Variants in STS observed in about 807,000 individuals in gnomAD.
STS encodes the protein steroid sulfatase.
Under a neutral mutation model 26.8 loss-of-function variants are expected in STS, and 7 were observed. That is an observed-to-expected ratio of 0.26 (90% CI 0.15 to 0.49). The LOEUF (loss-of-function observed/expected upper bound fraction) is 0.49, where lower values mean the gene tolerates loss of function less well. Among genes scored for constraint, STS ranks in the 20% least tolerant of loss-of-function variants. STS has a pLI of 0.98. For missense variants in STS, 434 were observed against 465.6 expected (o/e 0.93, Z 0.63); for synonymous variants, 199 against 189.4 (o/e 1.05, Z -0.42).
chrX:7,199,234 C>T (rs921290651), intron 2 of STS, among the ~76,000 whole-genome samples: 1 of 111,462 alleles, frequency 9.0e-6, no homozygotes, highest in Non-Finnish European at 1.9e-5. Context: ...ATCTATACTA[C>T]AACTTCTCAT....
intron 7 of STS, among the ~76,000 whole-genome samples, chrX:7,294,383 G>A (rs774576386): frequency 1.5e-4 from 17 of 110,552 alleles, no homozygotes; most frequent in African/African-American, 4.3e-4. Context: ...TCATGACCAC[G>A]CTAAAATGGT....
intron 2 of STS, among the ~76,000 whole-genome samples, chrX:7,204,941 T>C (rs981241731): frequency 1.3e-4 from 14 of 109,746 alleles, no homozygotes; most frequent in Non-Finnish European, 2.5e-4. Flanking sequence ...ACTTATGATA[T>C]CCTTCTCCAC....
intron 2 of STS, among the ~76,000 whole-genome samples, chrX:7,205,723 G>A (rs183891233): frequency 2.9e-5 from 3 of 102,613 alleles, no homozygotes; most frequent in African/African-American, 7.3e-5. Context: ...TGCGATCATA[G>A]CAATCTCTTC....
intron 2 of STS, among the ~76,000 whole-genome samples, chrX:7,241,267 A>T (rs1271202837): frequency 7.1e-5 from 8 of 112,140 alleles, no homozygotes; most frequent in South Asian, 7.4e-4. Context: ...ACATTTATTT[A>T]AAAAAATCAA....
intron 2 of STS, among the ~76,000 whole-genome samples, chrX:7,223,199 G>GAT (rs1216766029): frequency 8.9e-6 from 1 of 111,924 alleles, no homozygotes; most frequent in Non-Finnish European, 1.9e-5. Flanking sequence ...GACTAGTGCT[G>GAT]AGATTAATGT....
chrX:7,175,365 G>A (rs1427152425), intron 1 of STS, among the ~76,000 whole-genome samples: 3 of 110,056 alleles, frequency 2.7e-5, no homozygotes, highest in African/African-American at 6.6e-5. Flanking sequence ...ATGGTGGTAC[G>A]TGCTTGTAGT....
Position 7,334,900 on chromosome X carries a change from G to A in STS, c.1363+793G>A, listed in dbSNP as rs939967149. ...TGTTTTATAGTGGCATTTCCAATTA[G>A]CATACAGGAACAAATGGTTTATAAT... On this transcript the variant is annotated intron_variant, in intron 10 of 10. Coordinates refer to ENST00000674429, the MANE Select transcript of STS (RefSeq NM_001320752.2). Among the ~76,000 whole-genome samples, 3 of 112,193 alleles carry A rather than the reference G, an allele frequency of 2.7e-5. No homozygotes were observed. The Admixed American group carries it at 2.8e-4, about 11-fold the overall frequency.
At chrX:7,259,893 T>A (rs1464835153) in intron 6 of STS, 121 bp downstream of exon 6, 2 of 919,506 alleles carry the variant, frequency 2.2e-6, no homozygotes, top group East Asian at 6.5e-5. Context: ...TTCGTTTTTT[T>A]GAGACAGAGT....
At chrX:7,277,252 T>C (rs1346919407) in intron 7 of STS, among the ~76,000 whole-genome samples, 2 of 112,329 alleles carry the variant, frequency 1.8e-5, no homozygotes, top group Non-Finnish European at 3.8e-5. Context: ...CTGAAGATTT[T>C]CATATATTTG....
rs909558807 is a variant in STS, at chrX:7,215,054, T to C, written c.-5+24046T>C. ...ATGTATATATATACATATATATACG[T>C]ATATATGTATATATACACGTATATA... On this transcript the variant is annotated intron_variant, in intron 2 of 10. Coordinates refer to ENST00000674429, the MANE Select transcript of STS (RefSeq NM_001320752.2). Among the ~76,000 whole-genome samples, 4 of 92,211 alleles carry C rather than the reference T, an allele frequency of 4.3e-5. No individual in the cohort carries two copies. In the East Asian group the frequency reaches 1.3e-3, roughly 30 times the overall value. The allele number at this position is 92,211 out of a possible 115,157, so 80.1% of individuals were successfully genotyped here. A position where few individuals can be genotyped will look rare whatever the true frequency, so the allele number is the denominator to read the frequency against.
At chrX:7,204,800 CCCTGCCTT>C (rs1323214563) in intron 2 of STS, among the ~76,000 whole-genome samples, 1 of 105,206 alleles carries the variant, frequency 9.5e-6, no homozygotes, top group African/African-American at 3.5e-5. Flanking sequence ...CTTCCTCTCT[CCCTGCCTT>C]CCTTTCTTTC....
chrX:7,220,909 T>A (rs1315698247), intron 2 of STS, among the ~76,000 whole-genome samples: 3 of 111,495 alleles, frequency 2.7e-5, no homozygotes, highest in Non-Finnish European at 5.6e-5. Flanking sequence ...CCACTGAATC[T>A]CCATCCCTCT....
chrX:7,192,362 G>A lies in STS; in HGVS notation c.-5+1354G>A, dbSNP rs972540689. Among the ~76,000 whole-genome samples, 36 of 111,797 alleles carry A rather than the reference G, an allele frequency of 3.2e-4. No individual in the cohort carries two copies. In the Admixed American group the frequency reaches 3.4e-3, roughly 11 times the overall value. The stretch of plus-strand genomic sequence containing the variant: ...GCAGATCGCCTGAGGTCAGGAGTTT[G>A]GGACCAGCCTGGCCAACATGGTAAA... On this transcript the variant is annotated intron_variant, in intron 2 of 10. Transcript: ENST00000674429.
At chrX:7,219,480 G>C in intron 2 of STS, 1 of 1,118,213 alleles carries the variant, frequency 8.9e-7, no homozygotes, top group Non-Finnish European at 1.2e-6. Flanking sequence ...CAAGCCTCCA[G>C]CAGCTGACGG....
At chrX:7,221,172 C>T (rs1335772115) in intron 2 of STS, among the ~76,000 whole-genome samples, 2 of 112,398 alleles carry the variant, frequency 1.8e-5, no homozygotes, top group African/African-American at 6.5e-5. Context: ...TCATTGATTA[C>T]GTTTCTTAAA....
At chrX:7,186,510 CCT>C (rs1451400944) in intron 1 of STS, among the ~76,000 whole-genome samples, 8 of 111,426 alleles carry the variant, frequency 7.2e-5, no homozygotes, top group African/African-American at 2.0e-4. Context: ...CTAATATCCC[CCT>C]GAGTCCTCTG....
chrX:7,342,233 C>T (rs1447815636), intron 10 of STS, among the ~76,000 whole-genome samples: 4 of 111,242 alleles, frequency 3.6e-5, no homozygotes, highest in South Asian at 3.8e-4. Flanking sequence ...AATTGGAGAC[C>T]TCAAGTGTTG....
intron 2 of STS, among the ~76,000 whole-genome samples, chrX:7,232,990 A>G (rs1922135387): frequency 9.1e-6 from 1 of 110,426 alleles, no homozygotes; most frequent in Non-Finnish European, 1.9e-5. Flanking sequence ...ACCTTCCGCC[A>G]TGATTGTGAC....
chrX:7,195,450 G>A (rs1256812183), intron 2 of STS, among the ~76,000 whole-genome samples: 1 of 112,321 alleles, frequency 8.9e-6, no homozygotes, highest in Non-Finnish European at 1.9e-5. Context: ...CTGTGAATTA[G>A]TGCAAGAGCG....
Sources: allele counts gnomAD v4.1 joint callset (sites outside exome capture counted in the v4.1 genomes callset), GRCh38; gene constraint gnomAD v4.1.1; transcripts MANE v1.5; gene names NCBI Gene and HGNC (gene_info 2026-07-23, HGNC 2026-07-21).